The following CAMTA1 variants were observed in gnomAD, a reference collection of about 807,000 sequenced individuals.
CAMTA1 encodes the protein calmodulin-binding transcription activator 1.
CAMTA1 carries 27 observed loss-of-function variants against 170.9 expected under a neutral mutation model. That is an observed-to-expected ratio of 0.16 (90% CI 0.12 to 0.22). CAMTA1 has a LOEUF of 0.22. CAMTA1 is among the 10% of genes least tolerant of loss of function. The pLI is 1.00. For synonymous variants in CAMTA1, 833 were observed against 891.5 expected (o/e 0.93, Z 1.17); for missense variants, 1,619 against 2,217.2 (o/e 0.73, Z 5.42).
chr1:7,766,226 C>T (rs2097023509), intron 22 of CAMTA1, among the ~76,000 whole-genome samples: 1 of 149,578 alleles, frequency 6.7e-6, no homozygotes, highest in South Asian at 2.1e-4. Context: ...TCTTAGAGCG[C>T]TCGATGTAGA....
At chr1:7,012,203 G>C (rs1011460409) in intron 3 of CAMTA1, among the ~76,000 whole-genome samples, 1 of 152,086 alleles carries the variant, frequency 6.6e-6, no homozygotes, top group Non-Finnish European at 1.5e-5. Context: ...CCCCGTCCAC[G>C]CTTCCCATTC....
chr1:7,487,772 G>A (rs1422567344), intron 6 of CAMTA1, among the ~76,000 whole-genome samples: 2 of 152,104 alleles, frequency 1.3e-5, no homozygotes, highest in East Asian at 1.9e-4. Flanking sequence ...CATTCTTATC[G>A]CCCCCCAGAG....
At chr1:7,504,552 G>C (rs1361361009) in intron 6 of CAMTA1, among the ~76,000 whole-genome samples, 1 of 152,256 alleles carries the variant, frequency 6.6e-6, no homozygotes, top group Non-Finnish European at 1.5e-5. Context: ...CTGACTCCAA[G>C]ATCAAGCTTT....
chr1:7,467,622 G>C (rs1030760519), intron 5 of CAMTA1, among the ~76,000 whole-genome samples: 2 of 152,184 alleles, frequency 1.3e-5, no homozygotes, highest in African/African-American at 4.8e-5. Flanking sequence ...CATCGAGTCT[G>C]CCGGCTGGTG....
At chr1:7,311,202 G>A (rs1481597098) in intron 5 of CAMTA1, among the ~76,000 whole-genome samples, 1 of 152,178 alleles carries the variant, frequency 6.6e-6, no homozygotes, top group Non-Finnish European at 1.5e-5. Flanking sequence ...TATTTTATCT[G>A]TATCACAATC....
At chr1:6,870,731 C>T (rs992063528) in intron 3 of CAMTA1, among the ~76,000 whole-genome samples, 2 of 152,150 alleles carry the variant, frequency 1.3e-5, no homozygotes, top group Non-Finnish European at 2.9e-5. Flanking sequence ...GCCATTTACT[C>T]TTCTGTATGG....
chr1:7,518,916 A>G (rs369865280), intron 6 of CAMTA1, among the ~76,000 whole-genome samples: 1 of 151,936 alleles, frequency 6.6e-6, no homozygotes, highest in Non-Finnish European at 1.5e-5. Flanking sequence ...TGCCAGCCCC[A>G]GTACTTGGGA....
At chr1:6,932,989 GATA>G (rs1174346136) in intron 3 of CAMTA1, among the ~76,000 whole-genome samples, 4 of 151,858 alleles carry the variant, frequency 2.6e-5, no homozygotes, top group Non-Finnish European at 4.4e-5. Context: ...AGTTAATTAT[GATA>G]ATGTCAGTTT....
At chr1:7,528,243 T>C (rs2094451932) in intron 6 of CAMTA1, among the ~76,000 whole-genome samples, 1 of 152,204 alleles carries the variant, frequency 6.6e-6, no homozygotes, top group Non-Finnish European at 1.5e-5. Context: ...GACTCAGGGC[T>C]TAGCCCTCAA....
chr1:7,271,067 A>G (rs907373524), intron 5 of CAMTA1, among the ~76,000 whole-genome samples: 1 of 152,186 alleles, frequency 6.6e-6, no homozygotes, highest in Non-Finnish European at 1.5e-5. Context: ...CAATTTTTAC[A>G]TGCTGAATAC....
At position 7,490,261 on chromosome 1, in the gene CAMTA1, T is replaced by A. The variant is rs571033397; in HGVS notation, c.510+22360T>A. Among the ~76,000 whole-genome samples the A allele has an allele frequency of 5.3e-5, 8 of 152,290 alleles. No individual in the cohort carries two copies. The South Asian group carries it at 1.2e-3, about 24-fold the overall frequency. Reference sequence around the variant, plus strand: ...GCACAATGTGGAGATGTGCTTTCCATAAGAGATGCAGTTAGGAATGTGCGG... The same window carrying A: ...GCACAATGTGGAGATGTGCTTTCCAAAAGAGATGCAGTTAGGAATGTGCGG... On this transcript the variant is annotated intron_variant, in intron 6 of 22. Transcript: ENST00000303635.
Position 7,665,965 on chromosome 1 carries a change from C to T in CAMTA1, c.2652+766C>T, listed in dbSNP as rs941973930. Among the ~76,000 whole-genome samples, 2 of 151,894 alleles carry T rather than the reference C, an allele frequency of 1.3e-5. No individual in the cohort carries two copies. Among genetic ancestry groups the T allele is most frequent in the Non-Finnish European group, 1.5e-5 (1 of 67,992 alleles). On this transcript the variant is annotated intron_variant, in intron 9 of 22. Coordinates refer to ENST00000303635, the MANE Select transcript of CAMTA1 (RefSeq NM_015215.4). This position sits in a 1 kb window ranked among gnomAD's most constrained non-coding sequence, Gnocchi z 4.3. The stretch of plus-strand genomic sequence containing the variant: ...GGTGGATCACCTGAGGTCAGGAGTT[C>T]GAGACTAGCCTGGCCAACATGGTGA...
At chr1:7,281,169 T>C (rs1030514949) in intron 5 of CAMTA1, among the ~76,000 whole-genome samples, 1 of 152,224 alleles carries the variant, frequency 6.6e-6, no homozygotes, top group African/African-American at 2.4e-5. Flanking sequence ...GCAGAAATTA[T>C]ATTAAAGACA....
intron 3 of CAMTA1, among the ~76,000 whole-genome samples, chr1:6,995,544 C>T (rs184231558): frequency 5.3e-5 from 8 of 152,130 alleles, no homozygotes; most frequent in African/African-American, 1.7e-4. Flanking sequence ...CCTCGTGATC[C>T]GCCTGCCTTG....
At chr1:7,193,388 G>C (rs1654917675) in intron 4 of CAMTA1, among the ~76,000 whole-genome samples, 1 of 151,738 alleles carries the variant, frequency 6.6e-6, no homozygotes, top group East Asian at 2.0e-4. Flanking sequence ...TGTAGTGTCA[G>C]TTTCCAAGTC....
chr1:6,814,017 G>A (rs999804517), intron 1 of CAMTA1, among the ~76,000 whole-genome samples: 2 of 152,146 alleles, frequency 1.3e-5, no homozygotes, highest in Non-Finnish European at 2.9e-5. Flanking sequence ...TTGAGCTTGT[G>A]TTATGTACCA....
In CAMTA1 at chr1:7,113,946, G is replaced by A. The variant is rs559812932; in HGVS notation, c.302+22575G>A. 2.6e-5 allele frequency among the ~76,000 whole-genome samples: 4 copies of A among 152,180 alleles called. No individual in the cohort carries two copies. In the South Asian group the frequency reaches 6.2e-4, roughly 24 times the overall value. ...CGTATTGGTCTTTCTTTACATCATCGGCAAGCCACTGTTTCGGATTCTTCA... is the reference window on the plus strand; with the variant it reads ...CGTATTGGTCTTTCTTTACATCATCAGCAAGCCACTGTTTCGGATTCTTCA... On this transcript the variant is annotated intron_variant, in intron 4 of 22. Coordinates refer to ENST00000303635, the MANE Select transcript of CAMTA1 (RefSeq NM_015215.4). This position sits in a 1 kb window ranked among gnomAD's most constrained non-coding sequence, Gnocchi z 4.5.
intron 6 of CAMTA1, among the ~76,000 whole-genome samples, chr1:7,558,389 G>C (rs2094910253): frequency 6.6e-6 from 1 of 152,224 alleles, no homozygotes; most frequent in Admixed American, 6.5e-5. Context: ...TGGGACCCAG[G>C]AGCCAACACG....
At chr1:7,119,040 G>T (rs535613866) in intron 4 of CAMTA1, among the ~76,000 whole-genome samples, 1 of 152,188 alleles carries the variant, frequency 6.6e-6, no homozygotes, top group Non-Finnish European at 1.5e-5. Flanking sequence ...CCGGATACCC[G>T]TGCAGTTCAC....
Sources: gnomAD v4.1 joint callset for allele counts (sites outside exome capture counted in the v4.1 genomes callset) on GRCh38, gnomAD v4.1.1 for gene constraint, Gnocchi (gnomAD v3.1) non-coding constraint, MANE v1.5 for transcripts, NCBI Gene and HGNC (gene_info 2026-07-23, HGNC 2026-07-21) for gene names.